Variants in ZNF160 observed in about 807,000 individuals in gnomAD.
The protein encoded by ZNF160 is KRAB zinc finger protein KR18.
Under a neutral mutation model 13.1 loss-of-function variants are expected in ZNF160, and 9 were observed. The ratio of observed to expected loss-of-function variants is 0.69; its 90% CI spans 0.41 to 1.20. The LOEUF (loss-of-function observed/expected upper bound fraction) is 1.20. ZNF160 is among the 50% of genes most tolerant of loss of function. The probability of loss-of-function intolerance (pLI) is 0.01; values close to 1 mark genes in which losing one functional copy is unlikely to be tolerated. For synonymous variants in ZNF160, 293 were observed against 333.2 expected (o/e 0.88, Z 1.31); for missense variants, 838 against 988.0 (o/e 0.85, Z 2.04).
intron 3 of ZNF160, chr19:53,075,931 C>T: frequency 2.5e-6 from 1 of 394,552 alleles, no homozygotes; most frequent in Non-Finnish European, 5.1e-6. Flanking sequence ...GGAGCTGACC[C>T]TATATCCAGA....
rs2085040092 is a variant in ZNF160, at chr19:53,091,626, G to C, written c.-259C>G. On this transcript the variant is annotated 5_prime_UTR_variant, in exon 2 of 6. Transcript: ENST00000683776. Reference sequence around the variant, plus strand: ...GGAGTCTGTTTCCAGAGCTTTGGAGGAGAGACCTACCAGCGAGGCTGAAGC... The same window carrying C: ...GGAGTCTGTTTCCAGAGCTTTGGAGCAGAGACCTACCAGCGAGGCTGAAGC... 6.6e-6 allele frequency: 1 copy of C among 152,248 alleles called. No homozygotes were observed. Among genetic ancestry groups the C allele is most frequent in the Non-Finnish European group, 1.5e-5 (1 of 68,048 alleles). The allele number at this position is 152,248 out of a possible 1,614,324, so 9.4% of individuals were successfully genotyped here.
Position 53,084,727 on chromosome 19 carries a change from T to C in ZNF160, c.15+1535A>G, listed in dbSNP as rs563306287. 3.9e-5 allele frequency among the ~76,000 whole-genome samples: 6 copies of C among 152,260 alleles called. No homozygotes were observed. The South Asian group carries it at 6.2e-4, about 16-fold the overall frequency. On this transcript the variant is annotated intron_variant, in intron 3 of 5. Coordinates refer to ENST00000683776, the MANE Select transcript of ZNF160 (RefSeq NM_001322131.2). Reference sequence around the variant, plus strand: ...TTGCATTATCCCCGCATTTTCATAATATAAAATGAACACAGTGGCAAGTTT... The same window carrying C: ...TTGCATTATCCCCGCATTTTCATAACATAAAATGAACACAGTGGCAAGTTT...
At chr19:53,086,397 A>G in intron 2 of ZNF160, 76 bp from the exon 3 acceptor site, 1 of 1,316,670 alleles carries the variant, frequency 7.6e-7, no homozygotes. Context: ...GAGAATCTAT[A>G]CATCCCCTTC....
chr19:53,094,757 T>C (rs1248888927), intron 1 of ZNF160, among the ~76,000 whole-genome samples: 2 of 152,176 alleles, frequency 1.3e-5, no homozygotes, highest in African/African-American at 4.8e-5. Flanking sequence ...GCTTATTAAC[T>C]GAAAATAAGC....
chr19:53,086,595 A>C (rs1183257480), intron 2 of ZNF160, among the ~76,000 whole-genome samples: 1 of 152,072 alleles, frequency 6.6e-6, no homozygotes, highest in African/African-American at 2.4e-5. Context: ...GCTGGGCTGG[A>C]CTGAGCTCCC....
In ZNF160 at chr19:53,075,831, G is replaced by A. The variant is rs1038572326; in HGVS notation, c.16-648C>T. 26 of 518,766 alleles carry A rather than the reference G, an allele frequency of 5.0e-5. 1 individual carries two copies. The Admixed American group carries it at 5.0e-4, about 10-fold the overall frequency. 32.1% of individuals were successfully genotyped at this position (518,766 alleles called of 1,614,324 possible). A position where few individuals can be genotyped will look rare whatever the true frequency, so the allele number is the denominator to read the frequency against. On this transcript the variant is annotated intron_variant, in intron 3 of 5. Coordinates refer to ENST00000683776, the MANE Select transcript of ZNF160 (RefSeq NM_001322131.2). ...GGGTCATCAGAATTCACAATTCACA[G>A]CTGGTCATTGAGAAGCACAGGCCAC...
chr19:53,085,256 T>C (rs888589520), intron 3 of ZNF160: 1 of 969,822 alleles, frequency 1.0e-6, no homozygotes, highest in African/African-American at 1.8e-5. Flanking sequence ...AACTTGCAGG[T>C]TAACATATCA....
chr19:53,080,796 C>T (rs1360778806), intron 3 of ZNF160, among the ~76,000 whole-genome samples: 1 of 152,174 alleles, frequency 6.6e-6, no homozygotes, highest in Non-Finnish European at 1.5e-5. Flanking sequence ...AAGCTGGATG[C>T]ATCACATTAC....
intron 2 of ZNF160, among the ~76,000 whole-genome samples, chr19:53,089,632 A>G (rs2084962587): frequency 6.6e-6 from 1 of 152,142 alleles, no homozygotes; most frequent in African/African-American, 2.4e-5. Context: ...TCTCATCTTT[A>G]TCTGTGTATT....
chr19:53,079,905 G>A (rs1030243359), intron 3 of ZNF160, among the ~76,000 whole-genome samples: 2 of 152,066 alleles, frequency 1.3e-5, no homozygotes, highest in African/African-American at 4.8e-5. Context: ...GGGCAACATA[G>A]TGAGACTCTG....
At chr19:53,083,131 C>G (rs78727993) in intron 3 of ZNF160, among the ~76,000 whole-genome samples, 203 of 152,314 alleles carry the variant, frequency 1.3e-3, no homozygotes, top group African/African-American at 4.6e-3. Context: ...AACTGAAGCT[C>G]TCTGAACCAT....
Position 53,068,046 on chromosome 19 carries a change from G to A in ZNF160, c.*31C>T. The A allele has an allele frequency of 6.4e-7, 1 of 1,555,034 alleles. No homozygotes were observed. ...AGAATGAAATTAACTGATGTGAAAG[G>A]AGTGAATTGTACCTAATGACCTCAC... On this transcript the variant is annotated 3_prime_UTR_variant, in exon 6 of 6. Transcript: ENST00000683776.
chr19:53,074,985 C>T, intron 4 of ZNF160, 72 bp downstream of exon 4: 1 of 1,606,024 alleles, frequency 6.2e-7, no homozygotes, highest in East Asian at 2.2e-5. Context: ...AGGGGCTCTC[C>T]AGGGACTCGT....
intron 5 of ZNF160, 47 bp downstream of exon 5, chr19:53,074,093 C>T (rs1405278176): frequency 4.4e-6 from 7 of 1,593,678 alleles, no homozygotes; most frequent in Non-Finnish European, 6.0e-6. Context: ...CCCCCTCCCA[C>T]ACTCTAGTTA....
At chr19:53,082,122 A>G (rs2084655448) in intron 3 of ZNF160, among the ~76,000 whole-genome samples, 1 of 152,186 alleles carries the variant, frequency 6.6e-6, no homozygotes, top group African/African-American at 2.4e-5. Context: ...AAGGAAGAGG[A>G]AGGAAGAGGG....
In ZNF160 at chr19:53,074,183, T is replaced by C. The variant is rs35978151; in HGVS notation, c.228A>G (p.Ala76=). 1.4e-4 allele frequency: 228 copies of C among 1,613,988 alleles called. No homozygotes were observed. In the African/African-American group the frequency reaches 2.5e-3, roughly 18 times the overall value. The part of the protein sequence containing the change: ...PWTVKSCVKI[A]RKPRTPECVK... ...CACATTCCGGCGTTCTTGGTTTTCT[T>C]GCTATTTTCACACAGCTCTTCACAG... Residue 76 remains alanine, a synonymous_variant, in exon 5 of 6, where the codon GCA becomes GCG. Transcript: ENST00000683776.
chr19:53,071,586 C>T, intron 5 of ZNF160, among the ~76,000 whole-genome samples: 1 of 150,166 alleles, frequency 6.7e-6, no homozygotes. Context: ...TTGCCTTAGC[C>T]CAAGAGTTCA....
At chr19:53,074,726 A>G (rs2084319183) in intron 4 of ZNF160, among the ~76,000 whole-genome samples, 2 of 152,036 alleles carry the variant, frequency 1.3e-5, no homozygotes, top group African/African-American at 4.8e-5. Context: ...CCCAGGAAAC[A>G]TGGTACATGC....
chr19:53,077,220 T>A (rs929843043), intron 3 of ZNF160: 1 of 152,068 alleles, frequency 6.6e-6, no homozygotes, highest in African/African-American at 2.4e-5. Context: ...TAAGCTACAA[T>A]CAAAAAGTCC....
Sources: gnomAD v4.1 joint callset for allele counts (sites outside exome capture counted in the v4.1 genomes callset) on GRCh38, gnomAD v4.1.1 for gene constraint, MANE v1.5 for transcripts, NCBI Gene and HGNC (gene_info 2026-07-23, HGNC 2026-07-21) for gene names.